Variants in DCDC1 observed in about 807,000 individuals in gnomAD.
DCDC1 encodes doublecortin domain-containing protein 1.
Under a neutral mutation model 178.3 loss-of-function variants are expected in DCDC1, and 200 were observed. The observed-to-expected ratio is 1.12, with a 90% CI of 1.00 to 1.26. DCDC1 has a LOEUF of 1.26. Among genes scored for constraint, DCDC1 ranks in the 50% most tolerant of loss-of-function variants. The pLI is 0.00. For synonymous variants in DCDC1, 690 were observed against 604.8 expected, an observed-to-expected ratio of 1.14 and a Z score of -2.07; for missense variants, 1,983 against 1,749.2, an observed-to-expected ratio of 1.13 and a Z score of -2.38.
At chr11:30,972,899 G>A (rs547343674) in intron 20 of DCDC1, among the ~76,000 whole-genome samples, 1 of 152,176 alleles carries the variant, frequency 6.6e-6, no homozygotes, top group East Asian at 1.9e-4. Context: ...AATCATAGGG[G>A]TAGTTTCTCA....
At chr11:31,212,678 T>C (rs1374458986) in intron 9 of DCDC1, among the ~76,000 whole-genome samples, 2 of 152,204 alleles carry the variant, frequency 1.3e-5, no homozygotes, top group South Asian at 2.1e-4. Flanking sequence ...GAAAACGGTA[T>C]ATTAATTTAT....
chr11:31,307,325 T>C (rs1006954676), intron 4 of DCDC1: 11 of 255,624 alleles, frequency 4.3e-5, no homozygotes, highest in Non-Finnish European at 6.0e-5. Context: ...TGGTTAAATA[T>C]CAAAAGAAAG....
Position 31,205,456 on chromosome 11 carries a change from C to T in DCDC1, c.1221+35994G>A, listed in dbSNP as rs187496295. Among the ~76,000 whole-genome samples, 319 of 152,234 alleles carry T rather than the reference C, an allele frequency of 2.1e-3. 4 individuals carry two copies. Among genetic ancestry groups the T allele is most frequent in the East Asian group, 2.9e-3 (15 of 5,174 alleles). ...CTGTCTAGGGTAATAATTGATAGTA[C>T]TGCTGGGGTGATATTTCCAGAGTTA... On this transcript the variant is annotated intron_variant, in intron 9 of 38. Transcript: ENST00000684477.
chr11:31,058,242 C>T (rs1955712982), intron 20 of DCDC1, among the ~76,000 whole-genome samples: 2 of 152,130 alleles, frequency 1.3e-5, no homozygotes, highest in East Asian at 1.9e-4. Context: ...CATGTAAATG[C>T]TCAGACTATT....
At chr11:31,359,746 C>T (rs892636367) in intron 1 of DCDC1, among the ~76,000 whole-genome samples, 1 of 152,068 alleles carries the variant, frequency 6.6e-6, no homozygotes, top group African/African-American at 2.4e-5. Context: ...GTACATTTTC[C>T]CTACCTGTCT....
intron 1 of DCDC1, among the ~76,000 whole-genome samples, chr11:31,350,129 A>T (rs1049249713): frequency 6.6e-6 from 1 of 152,194 alleles, no homozygotes; most frequent in East Asian, 1.9e-4. Context: ...TTTTGGAAAT[A>T]AATCAACTTC....
intron 20 of DCDC1, among the ~76,000 whole-genome samples, chr11:30,969,949 A>C (rs202175566): frequency 4.2e-4 from 64 of 152,320 alleles, no homozygotes; most frequent in East Asian, 1.9e-3. Flanking sequence ...AGAAGAACCA[A>C]AATAGTGGGC....
chr11:31,006,299 C>A (rs1951842797), intron 20 of DCDC1, among the ~76,000 whole-genome samples: 1 of 152,142 alleles, frequency 6.6e-6, no homozygotes, highest in African/African-American at 2.4e-5. Context: ...TGCTACTTCC[C>A]TTTCCTCCTA....
At chr11:30,945,263 G>A (rs1947940599) in intron 21 of DCDC1, among the ~76,000 whole-genome samples, 1 of 151,520 alleles carries the variant, frequency 6.6e-6, no homozygotes, top group African/African-American at 2.4e-5. Context: ...CATCGCGCCT[G>A]GCCAAAAATG....
chr11:31,360,138 T>C (rs1368361188), intron 1 of DCDC1, among the ~76,000 whole-genome samples: 1 of 152,188 alleles, frequency 6.6e-6, no homozygotes, highest in Non-Finnish European at 1.5e-5. Context: ...CAGAGACTCT[T>C]TGTTATCAGA....
chr11:31,073,230 C>A (rs1015576586), intron 18 of DCDC1, among the ~76,000 whole-genome samples: 4 of 151,962 alleles, frequency 2.6e-5, no homozygotes, highest in African/African-American at 4.8e-5. Context: ...AGAAACAAAA[C>A]CTTGAAAATA....
intron 9 of DCDC1, among the ~76,000 whole-genome samples, chr11:31,160,926 A>G (rs1228088700): frequency 6.6e-6 from 1 of 152,216 alleles, no homozygotes; most frequent in African/African-American, 2.4e-5. Context: ...TAAAAGTTTG[A>G]TTATGAGTAA....
intron 27 of DCDC1, among the ~76,000 whole-genome samples, chr11:30,914,090 C>A (rs1454628225): frequency 6.6e-6 from 1 of 152,236 alleles, no homozygotes. Context: ...CCCTCAATAA[C>A]CCTTGGCAGT....
At chr11:31,185,358 T>C (rs1969351169) in intron 9 of DCDC1, among the ~76,000 whole-genome samples, 1 of 152,050 alleles carries the variant, frequency 6.6e-6, no homozygotes, top group Admixed American at 6.5e-5. Flanking sequence ...TGTATAGCTA[T>C]GTAACAAACC....
At chr11:31,055,602 A>C (rs1482766126) in intron 20 of DCDC1, among the ~76,000 whole-genome samples, 1 of 152,214 alleles carries the variant, frequency 6.6e-6, no homozygotes, top group Non-Finnish European at 1.5e-5. Context: ...GAACCAACCC[A>C]AATGCCCATA....
intron 9 of DCDC1, among the ~76,000 whole-genome samples, chr11:31,212,991 A>G: frequency 6.6e-6 from 1 of 152,042 alleles, no homozygotes; most frequent in South Asian, 2.1e-4. Flanking sequence ...CCCTCCTAGG[A>G]GGAAGCTTTC....
rs369315047 is a variant in DCDC1, at chr11:30,961,516, G to A, written c.2592-8948C>T. Among the ~76,000 whole-genome samples, 11 of 152,090 alleles carry A rather than the reference G, an allele frequency of 7.2e-5. No homozygotes were observed. In the South Asian group the frequency reaches 2.3e-3, roughly 32 times the overall value. Reference sequence around the variant, plus strand: ...ACGACTGTTAAAGAAACGCTTTAACGTTTTGTTTTACGCAAGGTGCTATTT... The same window carrying A: ...ACGACTGTTAAAGAAACGCTTTAACATTTTGTTTTACGCAAGGTGCTATTT... On this transcript the variant is annotated intron_variant, in intron 20 of 38. Transcript: ENST00000684477.
intron 11 of DCDC1, 23 bp downstream of exon 11, chr11:31,127,446 G>A (rs1346678297): frequency 2.9e-6 from 2 of 698,870 alleles, no homozygotes; most frequent in Non-Finnish European, 5.2e-6. Flanking sequence ...TGAATCCAAT[G>A]AGAGGCACAG....
intron 1 of DCDC1, among the ~76,000 whole-genome samples, chr11:31,353,608 C>T (rs1951181697): frequency 6.6e-6 from 1 of 152,182 alleles, no homozygotes; most frequent in African/African-American, 2.4e-5. Flanking sequence ...CTGTTGGTTA[C>T]AGCTTTAGAT....
Sources: allele counts gnomAD v4.1 joint callset (sites outside exome capture counted in the v4.1 genomes callset), GRCh38; gene constraint gnomAD v4.1.1; transcripts MANE v1.5; gene names NCBI Gene and HGNC (gene_info 2026-07-23, HGNC 2026-07-21).